RELCH: variants seen among roughly 807,000 people sequenced by gnomAD.
RELCH encodes RAB11 binding and LisH domain, coiled-coil and HEAT repeat containing.
Under a neutral mutation model 150.3 loss-of-function variants are expected in RELCH, and 41 were observed. The ratio of observed to expected loss-of-function variants is 0.27; its 90% CI spans 0.21 to 0.35. The LOEUF is 0.35. RELCH is among the 10% of genes least tolerant of loss of function. The pLI, the probability that RELCH is intolerant of heterozygous loss-of-function variation, is 1.00. For synonymous variants in RELCH, 478 were observed against 531.8 expected (o/e 0.90, Z 1.39); for missense variants, 1,092 against 1,467.8 (o/e 0.74, Z 4.18).
intron 12 of RELCH, among the ~76,000 whole-genome samples, chr18:62,253,893 C>T (rs1248072161): frequency 2.0e-5 from 3 of 152,058 alleles, no homozygotes; most frequent in Non-Finnish European, 4.4e-5. Flanking sequence ...GTTAATTGTG[C>T]ACATTTAATT....
chr18:62,198,824 A>G (rs1412913429), intron 1 of RELCH, among the ~76,000 whole-genome samples: 1 of 152,084 alleles, frequency 6.6e-6, no homozygotes, highest in Admixed American at 6.6e-5. Context: ...GAAAAAATTT[A>G]TAAACCTCAC....
At position 62,232,376 on chromosome 18, in the gene RELCH, G is replaced by A; in HGVS notation, c.1569G>A (p.Leu523=). ...ADSEKSVMLM[L]GRCLPHIVPN... is the part of the protein sequence containing the mutation. ...GTGAAAAAAGCGTTATGTTAATGCTGGGACGCTGCCTGCCACACATTGTTC... is the reference window on the plus strand; with the variant it reads ...GTGAAAAAAGCGTTATGTTAATGCTAGGACGCTGCCTGCCACACATTGTTC... Residue 523 remains leucine (L), a synonymous_variant, in exon 10 of 29, where the codon CTG becomes CTA. Transcript: ENST00000644646. 1.2e-6 allele frequency: 2 copies of A among 1,611,908 alleles called. No homozygotes were observed. Among genetic ancestry groups the A allele is most frequent in the Non-Finnish European group, 8.5e-7 (1 of 1,178,658 alleles).
chr18:62,250,899 CTTGAAG>C (rs1179144417), intron 11 of RELCH, among the ~76,000 whole-genome samples: 1 of 152,046 alleles, frequency 6.6e-6, no homozygotes, highest in African/African-American at 2.4e-5. Flanking sequence ...TTTGGTTTTC[CTTGAAG>C]TTGGCTACTT....
intron 22 of RELCH, 25 bp downstream of exon 22, chr18:62,275,498 G>A (rs776756782): frequency 7.0e-7 from 1 of 1,423,214 alleles, no homozygotes; most frequent in Non-Finnish European, 9.9e-7. Flanking sequence ...GCCTCTGTTG[G>A]TTTCAATTAT....
intron 1 of RELCH, among the ~76,000 whole-genome samples, chr18:62,188,991 T>A (rs927868863): frequency 3.5e-4 from 53 of 152,338 alleles, no homozygotes; most frequent in Non-Finnish European, 5.1e-4. Flanking sequence ...GATTTTTTTT[T>A]AATCACTATG....
At chr18:62,236,405 G>A (rs563730775) in intron 10 of RELCH, among the ~76,000 whole-genome samples, 1 of 151,860 alleles carries the variant, frequency 6.6e-6, no homozygotes, top group African/African-American at 2.4e-5. Flanking sequence ...AAGGGATACT[G>A]TTCTGTGGTT....
intron 20 of RELCH, among the ~76,000 whole-genome samples, chr18:62,269,689 T>A (rs901396585): frequency 6.6e-6 from 1 of 152,238 alleles, no homozygotes; most frequent in Non-Finnish European, 1.5e-5. Flanking sequence ...AATCATTTTC[T>A]TATACTTTTT....
At chr18:62,190,238 T>C (rs1472911252) in intron 1 of RELCH, among the ~76,000 whole-genome samples, 2 of 152,236 alleles carry the variant, frequency 1.3e-5, no homozygotes, top group South Asian at 2.1e-4. Flanking sequence ...GTTTTAAGTG[T>C]GTGCAGTTTG....
chr18:62,275,132 G>T (rs181215564), intron 21 of RELCH, among the ~76,000 whole-genome samples: 100 of 152,278 alleles, frequency 6.6e-4, no homozygotes, highest in African/African-American at 2.3e-3. Flanking sequence ...GGCCAGGATG[G>T]TCTCGATCTC....
intron 19 of RELCH, 145 bp downstream of exon 19, chr18:62,266,894 A>G (rs1360193627): frequency 8.9e-6 from 5 of 563,392 alleles, no homozygotes; most frequent in African/African-American, 7.7e-5. Flanking sequence ...TCTTGGTTTT[A>G]TAACTGTGTC....
intron 10 of RELCH, chr18:62,235,402 G>A (rs1323873290): frequency 6.6e-6 from 1 of 152,016 alleles, no homozygotes; most frequent in East Asian, 1.9e-4. Context: ...GGATATATGA[G>A]TCCTCTAACT....
At chr18:62,227,196 A>T (rs1325498453) in intron 5 of RELCH, 93 bp from the exon 6 acceptor site, 4 of 100,020 alleles carry the variant, frequency 4.0e-5, no homozygotes, top group Non-Finnish European at 8.6e-5. Flanking sequence ...AACCGATCTT[A>T]AAAAAAAAAA....
Position 62,305,315 on chromosome 18 carries a change from G to A in RELCH, c.3531-99G>A, listed in dbSNP as rs1041768192. The A allele has an allele frequency of 3.2e-5, 33 of 1,017,202 alleles. No individual in the cohort carries two copies. Among genetic ancestry groups the A allele is most frequent in the East Asian group, 2.0e-4 (7 of 35,690 alleles). The allele number at this position is 1,017,202 out of a possible 1,614,324, so 63.0% of individuals were successfully genotyped here. ...TAAATATTAGTTTCCCTTTTGTGAC[G>A]CCAATTCAGAGTGTGTTCGTTAATG... On this transcript the variant is annotated intron_variant, in intron 28 of 28. Transcript: ENST00000644646. The surrounding 1 kb of genome is among the most constrained non-coding windows in gnomAD (Gnocchi z 4.0).
chr18:62,267,459 G>T (rs1281192509), intron 19 of RELCH, among the ~76,000 whole-genome samples: 1 of 119,948 alleles, frequency 8.3e-6, no homozygotes, highest in Non-Finnish European at 1.9e-5. Context: ...TGTGTGTATA[G>T]AATATATATA....
At chr18:62,245,081 C>T (rs184479662) in intron 11 of RELCH, among the ~76,000 whole-genome samples, 44 of 152,262 alleles carry the variant, frequency 2.9e-4, no homozygotes, top group African/African-American at 9.1e-4. Flanking sequence ...ATAATGTCAT[C>T]ATCAGGTTCC....
chr18:62,217,913 T>C (rs946890605), intron 2 of RELCH, among the ~76,000 whole-genome samples: 1 of 151,908 alleles, frequency 6.6e-6, no homozygotes, highest in African/African-American at 2.4e-5. Context: ...AAAACAAGTA[T>C]CTACAAACTA....
chr18:62,280,762 T>A, intron 24 of RELCH, 53 bp downstream of exon 24: 1 of 1,183,784 alleles, frequency 8.4e-7, no homozygotes, highest in Non-Finnish European at 1.3e-6. Flanking sequence ...GTGGTCATGA[T>A]ACATGTATCT....
At chr18:62,212,545 C>T (rs935183370) in intron 2 of RELCH, among the ~76,000 whole-genome samples, 4 of 152,200 alleles carry the variant, frequency 2.6e-5, no homozygotes, top group African/African-American at 9.7e-5. Flanking sequence ...ATACCAAATG[C>T]TTAACCCTCG....
intron 13 of RELCH, among the ~76,000 whole-genome samples, chr18:62,256,647 A>G (rs537900425): frequency 5.3e-5 from 8 of 152,110 alleles, no homozygotes; most frequent in African/African-American, 1.7e-4. Flanking sequence ...TAGCAGCAAA[A>G]TGTCTCTACA....
Sources: gnomAD v4.1 joint callset for allele counts (sites outside exome capture counted in the v4.1 genomes callset) on GRCh38, gnomAD v4.1.1 for gene constraint, Gnocchi (gnomAD v3.1) non-coding constraint, MANE v1.5 for transcripts, NCBI Gene and HGNC (gene_info 2026-07-23, HGNC 2026-07-21) for gene names.